IQSEC1: variants seen among roughly 807,000 people sequenced by gnomAD.
IQSEC1 encodes IQ motif and Sec7 domain ArfGEF 1.
IQSEC1 carries 31 observed loss-of-function variants against 91.0 expected under a neutral mutation model. That is an observed-to-expected ratio of 0.34 (90% CI 0.26 to 0.46). The LOEUF (loss-of-function observed/expected upper bound fraction) is 0.46. IQSEC1 is among the 20% of genes least tolerant of loss of function. The pLI, the probability that IQSEC1 is intolerant of heterozygous loss-of-function variation, is 1.00. For missense variants in IQSEC1, 1,388 were observed against 1,575.6 expected, an observed-to-expected ratio of 0.88 and a Z score of 2.02; for synonymous variants, 699 against 662.6, an observed-to-expected ratio of 1.05 and a Z score of -0.84.
chr3:13,081,467 C>T (rs905470724), intron 2 of IQSEC1, among the ~76,000 whole-genome samples: 3 of 151,826 alleles, frequency 2.0e-5, no homozygotes, highest in African/African-American at 7.3e-5. Flanking sequence ...TAGGGTCTCC[C>T]TTTGGCACCT....
intron 1 of IQSEC1, among the ~76,000 whole-genome samples, chr3:13,194,646 C>T (rs1694095158): frequency 6.6e-6 from 1 of 152,274 alleles, no homozygotes; most frequent in African/African-American, 2.4e-5. Context: ...CACCCAGAAA[C>T]CCCAGAGGAG....
chr3:13,262,568 C>T (rs1034727012), intron 1 of IQSEC1, among the ~76,000 whole-genome samples: 23 of 152,196 alleles, frequency 1.5e-4, no homozygotes, highest in African/African-American at 5.1e-4. Context: ...CTGGTATGTT[C>T]CCCCAAAAGA....
In IQSEC1 at chr3:13,131,922, G is replaced by A. The variant is rs372585294; in HGVS notation, c.302+32182C>T. On this transcript the variant is annotated intron_variant, in intron 2 of 15. Transcript: ENST00000648114. ...TTTAATCTCTATAATTTTGATTTGG[G>A]CATGGAATATAGTTATAATTGCTAT... 1.2e-3 allele frequency among the ~76,000 whole-genome samples: 185 copies of A among 152,100 alleles called. 3 individuals are homozygous for A. In the South Asian group the frequency reaches 0.018, roughly 15 times the overall value.
intron 1 of IQSEC1, among the ~76,000 whole-genome samples, chr3:13,183,588 A>G (rs1693883094): frequency 6.6e-6 from 1 of 152,192 alleles, no homozygotes; most frequent in African/African-American, 2.4e-5. Flanking sequence ...AGAAAAATGA[A>G]AAACCATATG....
At chr3:12,949,309 G>A (rs572472868) in intron 1 of IQSEC1, among the ~76,000 whole-genome samples, 1 of 152,368 alleles carries the variant, frequency 6.6e-6, no homozygotes, top group East Asian at 1.9e-4. Flanking sequence ...AGCCACGTGT[G>A]GCCAGAGGGT....
At chr3:13,123,163 G>A (rs573616419) in intron 2 of IQSEC1, among the ~76,000 whole-genome samples, 3 of 152,344 alleles carry the variant, frequency 2.0e-5, no homozygotes, top group African/African-American at 4.8e-5. Flanking sequence ...GCTTTGCACC[G>A]GTTGGTTTTG....
chr3:13,112,482 C>T (rs1706263229), intron 2 of IQSEC1, among the ~76,000 whole-genome samples: 1 of 152,244 alleles, frequency 6.6e-6, no homozygotes, highest in African/African-American at 2.4e-5. Context: ...AACCAATCAA[C>T]AAAGAGACGT....
intron 1 of IQSEC1, among the ~76,000 whole-genome samples, chr3:12,984,245 C>A (rs757546359): frequency 1.3e-5 from 2 of 152,186 alleles, no homozygotes; most frequent in Non-Finnish European, 2.9e-5. Context: ...TTCTAGACAA[C>A]TGAGCACAGG....
intron 1 of IQSEC1, among the ~76,000 whole-genome samples, chr3:13,216,496 C>A (rs1350876135): frequency 2.0e-5 from 3 of 152,198 alleles, no homozygotes; most frequent in African/African-American, 4.8e-5. Context: ...GACGAGCTGT[C>A]CACTCCCTGG....
chr3:13,005,872 C>A (rs1360649324), intron 1 of IQSEC1, among the ~76,000 whole-genome samples: 1 of 152,206 alleles, frequency 6.6e-6, no homozygotes, highest in Non-Finnish European at 1.5e-5. Context: ...CAAGCCTCAG[C>A]TCCCTCCCTG....
intron 1 of IQSEC1, among the ~76,000 whole-genome samples, chr3:13,245,631 A>T (rs1166322926): frequency 1.3e-5 from 2 of 152,112 alleles, no homozygotes; most frequent in African/African-American, 4.8e-5. Context: ...CCTGGGTGTG[A>T]TGGCACACAC....
chr3:13,169,227 T>C (rs1693560095), intron 1 of IQSEC1, among the ~76,000 whole-genome samples: 1 of 152,082 alleles, frequency 6.6e-6, no homozygotes, highest in Non-Finnish European at 1.5e-5. Context: ...TACCATGAGA[T>C]CTGATGATTT....
intron 1 of IQSEC1, among the ~76,000 whole-genome samples, chr3:13,171,843 G>C (rs951721834): frequency 6.6e-6 from 1 of 152,192 alleles, no homozygotes; most frequent in African/African-American, 2.4e-5. Flanking sequence ...AGGGCTTGGT[G>C]TGTGAGAGGC....
At chr3:12,978,597 C>T (rs1278236252) in intron 1 of IQSEC1, among the ~76,000 whole-genome samples, 6 of 151,716 alleles carry the variant, frequency 4.0e-5, no homozygotes, top group African/African-American at 1.2e-4. Flanking sequence ...CCCAGCTACT[C>T]GGGAGGCTGA....
intron 1 of IQSEC1, among the ~76,000 whole-genome samples, chr3:13,191,067 A>C (rs2125033547): frequency 6.6e-6 from 1 of 152,254 alleles, no homozygotes. Flanking sequence ...GGTTCAGCAT[A>C]ACCTAATTCT....
intron 1 of IQSEC1, among the ~76,000 whole-genome samples, chr3:13,046,515 C>T (rs1704500922): frequency 6.6e-6 from 1 of 152,218 alleles, no homozygotes. Flanking sequence ...ACGTGGGGCC[C>T]AGCCCTTGGT....
Position 12,951,476 on chromosome 3 carries a change from G to C in IQSEC1, c.24-9611C>G, listed in dbSNP as rs111483023. Among the ~76,000 whole-genome samples, 958 of 152,110 alleles carry C rather than the reference G, an allele frequency of 6.3e-3. 3 individuals carry two copies. Among genetic ancestry groups the C allele is most frequent in the South Asian group, 0.012 (59 of 4,820 alleles). On this transcript the variant is annotated intron_variant, in intron 1 of 13. Transcript: ENST00000613206. ...AAAAAAAAATTAGAATAAAAGAAGA[G>C]ACATAGAGCTGGTGTAGCCAGCAAG... is the stretch of plus-strand genomic sequence containing the variant.
intron 1 of IQSEC1, among the ~76,000 whole-genome samples, chr3:13,026,288 G>T (rs1256445633): frequency 6.6e-6 from 1 of 152,126 alleles, no homozygotes; most frequent in Non-Finnish European, 1.5e-5. Context: ...CCCCCCTTCT[G>T]CCAGCCCAGG....
chr3:13,252,019 C>T (rs1469070253), intron 1 of IQSEC1, among the ~76,000 whole-genome samples: 2 of 152,168 alleles, frequency 1.3e-5, no homozygotes, highest in East Asian at 1.9e-4. Context: ...TGTTTTTCCC[C>T]GATTTTTTAT....
Sources: allele counts gnomAD v4.1 joint callset (sites outside exome capture counted in the v4.1 genomes callset), GRCh38; gene constraint gnomAD v4.1.1; transcripts MANE v1.5; gene names NCBI Gene and HGNC (gene_info 2026-07-23, HGNC 2026-07-21).